SETDB2: variants seen among roughly 807,000 people sequenced by gnomAD.
SETDB2 encodes the protein histone-lysine N-methyltransferase SETDB2.
A neutral mutation model predicts 82.5 loss-of-function variants in SETDB2; 56 were observed. The ratio of observed to expected loss-of-function variants is 0.68; its 90% CI spans 0.55 to 0.85. The LOEUF is 0.85. Ranked by LOEUF, SETDB2 falls within the 40% of genes least tolerant of loss-of-function variation. The probability of loss-of-function intolerance (pLI) is 0.00; values close to 1 mark genes in which losing one functional copy is unlikely to be tolerated. For missense variants in SETDB2, 677 were observed against 816.4 expected (o/e 0.83, Z 2.08); for synonymous variants, 272 against 284.9 (o/e 0.95, Z 0.46).
intron 2 of SETDB2, among the ~76,000 whole-genome samples, chr13:49,455,524 C>T (rs917624034): frequency 2.3e-4 from 35 of 152,218 alleles, no homozygotes; most frequent in African/African-American, 7.9e-4. Context: ...TTTAAAATCA[C>T]ATTTGTTAAT....
chr13:49,476,325 C>A (rs1047650225), intron 5 of SETDB2, 151 bp from the exon 6 acceptor site: 25 of 627,042 alleles, frequency 4.0e-5, no homozygotes, highest in Non-Finnish European at 5.8e-5. Flanking sequence ...TAGATATAAT[C>A]TTTGTATGGC....
intron 10 of SETDB2, among the ~76,000 whole-genome samples, 172 bp downstream of exon 10, chr13:49,483,735 C>A (rs1268546503): frequency 6.7e-6 from 1 of 148,164 alleles, no homozygotes; most frequent in African/African-American, 2.5e-5. Context: ...CTCGAGTATC[C>A]TCCTCCCTCA....
At chr13:49,455,986 C>G (rs1015899487) in intron 2 of SETDB2, among the ~76,000 whole-genome samples, 1 of 152,096 alleles carries the variant, frequency 6.6e-6, no homozygotes, top group Non-Finnish European at 1.5e-5. Flanking sequence ...ATGCCACTAA[C>G]TTGATTCATG....
chr13:49,463,612 G>A (rs897249575), intron 4 of SETDB2, among the ~76,000 whole-genome samples: 1 of 152,208 alleles, frequency 6.6e-6, no homozygotes, highest in African/African-American at 2.4e-5. Flanking sequence ...CAGCCCAGAT[G>A]TCTGTTATCT....
chr13:49,457,119 C>T (rs191780578), intron 2 of SETDB2, among the ~76,000 whole-genome samples: 19 of 150,576 alleles, frequency 1.3e-4, no homozygotes, highest in African/African-American at 3.7e-4. Context: ...AAAATCATTT[C>T]CAAGATTGAT....
intron 1 of SETDB2, among the ~76,000 whole-genome samples, chr13:49,448,253 G>C (rs1957728866): frequency 6.6e-6 from 1 of 152,114 alleles, no homozygotes; most frequent in African/African-American, 2.4e-5. Flanking sequence ...CAGTTCGTCT[G>C]TGCTCAGGTT....
intron 4 of SETDB2, among the ~76,000 whole-genome samples, chr13:49,464,998 C>A (rs1958073184): frequency 1.3e-5 from 2 of 151,424 alleles, no homozygotes; most frequent in African/African-American, 4.9e-5. Flanking sequence ...CCCAGGAAAT[C>A]AAGTCTGCAG....
chr13:49,481,241 A>G, intron 8 of SETDB2, 125 bp downstream of exon 8: 1 of 796,520 alleles, frequency 1.3e-6, no homozygotes, highest in Non-Finnish European at 1.9e-6. Flanking sequence ...TAAGAGGAAC[A>G]TCAGAGAAAG....
rs1390857753 is a variant in SETDB2, at chr13:49,493,566, G to A, written c.*1717G>A. 1 of 151,976 alleles carries A rather than the reference G, an allele frequency of 6.6e-6. No individual in the cohort carries two copies. Among genetic ancestry groups the A allele is most frequent in the African/African-American group, 2.4e-5 (1 of 41,362 alleles). 9.4% of individuals were successfully genotyped at this position (151,976 alleles called of 1,614,324 possible). The stretch of plus-strand genomic sequence containing the variant: ...AGATGCCATTATTTTCCTTTTCCTT[G>A]GTTTACTCTTCCACATATTGGTAAA... On this transcript the variant is annotated 3_prime_UTR_variant, in exon 14 of 14. Coordinates refer to ENST00000611815, the MANE Select transcript of SETDB2 (RefSeq NM_001160308.3).
intron 2 of SETDB2, among the ~76,000 whole-genome samples, chr13:49,454,683 G>A (rs1020763516): frequency 7.2e-5 from 11 of 152,094 alleles, no homozygotes; most frequent in African/African-American, 2.2e-4. Context: ...ATTTGCATAC[G>A]TTATTAGTTC....
chr13:49,486,781 GT>G (rs1958606272), intron 11 of SETDB2, among the ~76,000 whole-genome samples: 1 of 152,140 alleles, frequency 6.6e-6, no homozygotes, highest in Non-Finnish European at 1.5e-5. Flanking sequence ...GACAAACATT[GT>G]TTTTGGTACT....
chr13:49,461,293 C>T (rs7324615), intron 4 of SETDB2, 131 bp downstream of exon 4: 22,958 of 610,832 alleles, frequency 0.038, 734 homozygotes, highest in South Asian at 0.12. Context: ...TTCTAAGTTA[C>T]ATAAATCACA....
intron 6 of SETDB2, among the ~76,000 whole-genome samples, chr13:49,479,495 TATTA>T (rs1179734601): frequency 6.6e-6 from 1 of 152,224 alleles, no homozygotes; most frequent in Non-Finnish European, 1.5e-5. Flanking sequence ...TTCTGATGTG[TATTA>T]ATTAATACAG....
rs1230652554 is a variant in SETDB2, at chr13:49,476,821, G to A, written c.651G>A (p.Gln217=). 1 of 1,614,020 alleles carries A rather than the reference G, an allele frequency of 6.2e-7. No homozygotes were observed. Residue 217 remains glutamine, a synonymous_variant, in exon 6 of 14, where the codon CAG becomes CAA. Transcript: ENST00000611815. Reference sequence around the variant, plus strand: ...ACTTTTCTTTCAATACCTATGTTCAGTTGGCTCGGAATTACCCAAAGCAAA... The same window carrying A: ...ACTTTTCTTTCAATACCTATGTTCAATTGGCTCGGAATTACCCAAAGCAAA... The part of the protein sequence containing the change: ...TDNFSFNTYV[Q]LARNYPKQKE...
At chr13:49,461,828 G>A (rs1379923216) in intron 4 of SETDB2, among the ~76,000 whole-genome samples, 3 of 152,068 alleles carry the variant, frequency 2.0e-5, no homozygotes, top group African/African-American at 4.8e-5. Flanking sequence ...ACAATGCCTG[G>A]GCCTCCTGTA....
intron 11 of SETDB2, among the ~76,000 whole-genome samples, chr13:49,487,329 A>T (rs192463646): frequency 6.6e-6 from 1 of 151,790 alleles, no homozygotes; most frequent in Non-Finnish European, 1.5e-5. Flanking sequence ...ACATGCATTC[A>T]TATCTTTTCT....
chr13:49,461,222 G>A (rs1220310764), intron 4 of SETDB2, 60 bp downstream of exon 4: 2 of 1,199,908 alleles, frequency 1.7e-6, no homozygotes, highest in African/African-American at 1.5e-5. Context: ...CCATGAAGCA[G>A]GATAGCTTTA....
intron 1 of SETDB2, chr13:49,446,326 G>A: frequency 2.2e-6 from 1 of 454,498 alleles, no homozygotes; most frequent in Non-Finnish European, 4.4e-6. Flanking sequence ...CAGTTGAATA[G>A]CTTCCCGTAT....
chr13:49,453,761 A>G (rs917139153), intron 2 of SETDB2, among the ~76,000 whole-genome samples: 2 of 152,108 alleles, frequency 1.3e-5, no homozygotes, highest in East Asian at 3.8e-4. Context: ...TAACCTGTCA[A>G]TATTTTTATT....
Sources: gnomAD v4.1 joint callset for allele counts (sites outside exome capture counted in the v4.1 genomes callset) on GRCh38, gnomAD v4.1.1 for gene constraint, MANE v1.5 for transcripts, NCBI Gene and HGNC (gene_info 2026-07-23, HGNC 2026-07-21) for gene names.